TMC1: variants seen among roughly 807,000 people sequenced by gnomAD.
The protein encoded by TMC1 is transmembrane channel-like protein 1.
Under a neutral mutation model 105.8 loss-of-function variants are expected in TMC1, and 84 were observed. The ratio of observed to expected loss-of-function variants is 0.79; its 90% CI spans 0.67 to 0.95. The LOEUF (loss-of-function observed/expected upper bound fraction) is 0.95, where lower values mean the gene tolerates loss of function less well. Among genes scored for constraint, TMC1 ranks in the 40% least tolerant of loss-of-function variants. The pLI is 0.00. For missense variants in TMC1, 817 were observed against 914.1 expected, an observed-to-expected ratio of 0.89 and a Z score of 1.37; for synonymous variants, 315 against 311.5, an observed-to-expected ratio of 1.01 and a Z score of -0.12.
At chr9:72,672,693 C>T (rs1826141522) in intron 5 of TMC1, among the ~76,000 whole-genome samples, 1 of 151,868 alleles carries the variant, frequency 6.6e-6, no homozygotes, top group Non-Finnish European at 1.5e-5. Flanking sequence ...AGTAAGGATA[C>T]AGAAAACCTC....
At chr9:72,644,919 C>A (rs72731200) in intron 4 of TMC1, among the ~76,000 whole-genome samples, 14,772 of 152,040 alleles carry the variant, frequency 0.097, 869 homozygotes, top group African/African-American at 0.15. Flanking sequence ...CCTATCAGAG[C>A]AACATGAATT....
chr9:72,583,714 G>C (rs1405861561), intron 2 of TMC1, among the ~76,000 whole-genome samples: 1 of 152,166 alleles, frequency 6.6e-6, no homozygotes, highest in Non-Finnish European at 1.5e-5. Flanking sequence ...TGTAGCCCAA[G>C]TTTTATGGCT....
chr9:72,600,753 T>C (rs1587981633), intron 2 of TMC1, among the ~76,000 whole-genome samples: 1 of 152,278 alleles, frequency 6.6e-6, no homozygotes, highest in East Asian at 1.9e-4. Flanking sequence ...TATTAAAATT[T>C]ATTTCCTGTT....
At chr9:72,575,196 T>A (rs1824358606) in intron 1 of TMC1, among the ~76,000 whole-genome samples, 1 of 152,162 alleles carries the variant, frequency 6.6e-6, no homozygotes, top group African/African-American at 2.4e-5. Flanking sequence ...TGTTTGTTTG[T>A]TTTTTGATGG....
intron 8 of TMC1, among the ~76,000 whole-genome samples, chr9:72,711,789 A>G (rs1271504048): frequency 3.3e-5 from 5 of 152,154 alleles, no homozygotes; most frequent in Non-Finnish European, 5.9e-5. Flanking sequence ...CCCATTTGTA[A>G]ATTTTGGCTT....
chr9:72,820,181 T>C (rs1490252510), intron 19 of TMC1, among the ~76,000 whole-genome samples: 1 of 152,196 alleles, frequency 6.6e-6, no homozygotes, highest in East Asian at 1.9e-4. Context: ...TAAAACCCTA[T>C]TTTAGGAGGC....
rs397517836 is a variant in TMC1 at position 72,792,030 on chromosome 9, T to G, written c.1369T>G (p.Phe457Val). 6.2e-7 allele frequency: 1 copy of G among 1,614,158 alleles called. No homozygotes were observed. Among genetic ancestry groups the G allele is most frequent in the African/African-American group, 1.3e-5 (1 of 75,054 alleles). Residue 457 changes from phenylalanine (F) to valine (V), a missense_variant, in exon 16 of 24, where the codon TTT (phenylalanine) becomes GTT (valine). Coordinates refer to ENST00000297784, the MANE Select transcript of TMC1 (RefSeq NM_138691.3). ...TCTTCTTTTAGGCAATTTATACGTA[T>G]TTATTCTTGCATTAATGGATGAGAT... The part of the protein sequence containing the change: ...FALLLGNLYV[F>V]ILALMDEINN...
intron 5 of TMC1, among the ~76,000 whole-genome samples, chr9:72,682,524 T>C (rs1333620079): frequency 6.6e-6 from 1 of 152,256 alleles, no homozygotes; most frequent in African/African-American, 2.4e-5. Context: ...TATAAACAAA[T>C]GGCACGAGCT....
intron 4 of TMC1, among the ~76,000 whole-genome samples, chr9:72,647,877 C>G (rs1475426625): frequency 6.6e-6 from 1 of 152,100 alleles, no homozygotes; most frequent in Non-Finnish European, 1.5e-5. Context: ...AAAAGACAGC[C>G]TTTTCTGCAC....
At chr9:72,656,160 C>T in intron 5 of TMC1, 1 of 604,004 alleles carries the variant, frequency 1.7e-6, no homozygotes, top group Non-Finnish European at 3.1e-6. Flanking sequence ...TCTTCGGCTC[C>T]GTGGGTGTTT....
intron 8 of TMC1, among the ~76,000 whole-genome samples, chr9:72,725,325 GTATATATATATATATATATATATATA>G (rs57562145): frequency 3.1e-4 from 24 of 77,682 alleles, no homozygotes; most frequent in African/African-American, 7.3e-4. Context: ...ATGTGTGTAT[GTATATATATATATATATATATATATA>G]TATATATATA....
At position 72,581,945 on chromosome 9, in the gene TMC1, G is replaced by A. The variant is rs1380352948; in HGVS notation, c.-306+3922G>A. Among the ~76,000 whole-genome samples the A allele has an allele frequency of 4.6e-5, 7 of 152,148 alleles. No individual in the cohort carries two copies. In the South Asian group the frequency reaches 8.3e-4, roughly 18 times the overall value. On this transcript the variant is annotated intron_variant, in intron 2 of 23. Coordinates refer to ENST00000297784, the MANE Select transcript of TMC1 (RefSeq NM_138691.3). ...AGTTTTCATGTTGAATAACTTTACA[G>A]GAAATGATAGCATCTTTTTTTCTTT... is the stretch of plus-strand genomic sequence containing the variant.
intron 20 of TMC1, among the ~76,000 whole-genome samples, chr9:72,822,339 G>A (rs1357116475): frequency 2.0e-5 from 3 of 152,292 alleles, no homozygotes; most frequent in African/African-American, 7.2e-5. Flanking sequence ...TTTAATTAAA[G>A]TCAAAAGGTT....
intron 18 of TMC1, among the ~76,000 whole-genome samples, chr9:72,809,890 C>T (rs17560936): frequency 0.062 from 9,483 of 151,852 alleles, 329 homozygotes; most frequent in African/African-American, 0.086. Flanking sequence ...TACAAGCTCC[C>T]GATATAAATA....
At position 72,590,313 on chromosome 9, in the gene TMC1, G is replaced by A. The variant is rs191848753; in HGVS notation, c.-306+12290G>A. Among the ~76,000 whole-genome samples the A allele has an allele frequency of 5.4e-3, 815 of 152,274 alleles. 10 individuals carry two copies. The highest frequency in any genetic ancestry group is 0.018 in the African/African-American group (744 of 41,570). ...AAGCAGATTGCAATTTCAATGGAAA[G>A]GAAATAATTGTGTAGCTTTCAAGCT... On this transcript the variant is annotated intron_variant, in intron 2 of 23. Transcript: ENST00000297784.
intron 3 of TMC1, among the ~76,000 whole-genome samples, chr9:72,626,310 AGGTGTCT>A (rs931334691): frequency 6.6e-6 from 1 of 152,192 alleles, no homozygotes; most frequent in African/African-American, 2.4e-5. Context: ...TCATTGATAC[AGGTGTCT>A]GGCAGGCAGT....
chr9:72,624,910 C>A (rs934580452), intron 3 of TMC1, among the ~76,000 whole-genome samples: 2 of 152,254 alleles, frequency 1.3e-5, no homozygotes, highest in Non-Finnish European at 2.9e-5. Context: ...CCAAGTCCTG[C>A]GGACAAATTG....
chr9:72,814,896 TTG>T (rs57564294), intron 18 of TMC1, among the ~76,000 whole-genome samples: 9,795 of 119,060 alleles, frequency 0.082, 299 homozygotes, highest in Admixed American at 0.12. Flanking sequence ...TGGATCATCT[TTG>T]TGTGTGTGTG....
chr9:72,739,339 G>C (rs914495613), intron 8 of TMC1, among the ~76,000 whole-genome samples: 2 of 152,150 alleles, frequency 1.3e-5, no homozygotes, highest in Admixed American at 6.5e-5. Context: ...TTGGAGATTA[G>C]ATTTCAACAT....
Sources: allele counts gnomAD v4.1 joint callset (sites outside exome capture counted in the v4.1 genomes callset), GRCh38; gene constraint gnomAD v4.1.1; transcripts MANE v1.5; gene names NCBI Gene and HGNC (gene_info 2026-07-23, HGNC 2026-07-21).